The following KCNJ15 variants were observed in gnomAD, a reference collection of about 807,000 sequenced individuals.
KCNJ15 encodes the protein ATP-sensitive inward rectifier potassium channel 15.
A neutral mutation model predicts 23.0 loss-of-function variants in KCNJ15; 14 were observed. The ratio of observed to expected loss-of-function variants is 0.61; its 90% CI spans 0.40 to 0.95. KCNJ15 has a LOEUF of 0.95. KCNJ15 is among the 40% of genes least tolerant of loss of function. The probability of loss-of-function intolerance (pLI) is 0.00; values close to 1 mark genes in which losing one functional copy is unlikely to be tolerated. For synonymous variants in KCNJ15, 185 were observed against 183.2 expected, an observed-to-expected ratio of 1.01 and a Z score of -0.08; for missense variants, 388 against 461.8, an observed-to-expected ratio of 0.84 and a Z score of 1.46.
At chr21:38,233,324 C>T (rs1423838648) in intron 1 of KCNJ15, among the ~76,000 whole-genome samples, 2 of 152,038 alleles carry the variant, frequency 1.3e-5, no homozygotes, top group Non-Finnish European at 2.9e-5. Context: ...CTTTTACTTT[C>T]AACTTATCCT....
intron 1 of KCNJ15, among the ~76,000 whole-genome samples, chr21:38,288,428 G>C (rs1357095893): frequency 1.3e-5 from 2 of 152,076 alleles, no homozygotes; most frequent in African/African-American, 2.4e-5. Flanking sequence ...TGCCAATGAA[G>C]ATAAGAATTT....
At chr21:38,256,360 T>TTATATATATA (rs56679003), upstream of KCNJ15, among the ~76,000 whole-genome samples, 457 of 106,178 alleles carry the variant, frequency 4.3e-3, 12 homozygotes, top group South Asian at 0.016. Context: ...TCTATTCAGC[T>TTATATATATA]TATATATATA....
rs1985989474 is a variant in KCNJ15, at chr21:38,304,727, A to G, written c.*4338A>G. ...GTCTCGCTCTGTCGCCCAGGCTGCT[A>G]GAGTGCAGTGGCGCGATTTCGGCTC... On this transcript the variant is annotated 3_prime_UTR_variant, in exon 3 of 3. Transcript: ENST00000398938. The G allele has an allele frequency of 1.1e-5, 1 of 93,580 alleles. No individual in the cohort carries two copies. Among genetic ancestry groups the G allele is most frequent in the Non-Finnish European group, 2.0e-5 (1 of 49,368 alleles). The allele number at this position is 93,580 out of a possible 1,614,324, so 5.8% of individuals were successfully genotyped here. A position where few individuals can be genotyped will look rare whatever the true frequency, so the allele number is the denominator to read the frequency against.
At chr21:38,265,633 TG>T (rs35689389) in intron 1 of KCNJ15, among the ~76,000 whole-genome samples, 2 of 152,216 alleles carry the variant, frequency 1.3e-5, no homozygotes, top group African/African-American at 2.4e-5. Context: ...TGCAGGAGGC[TG>T]GGTGGTCCGT....
chr21:38,258,448 G>A (rs1980513510), intron 1 of KCNJ15, among the ~76,000 whole-genome samples: 1 of 152,078 alleles, frequency 6.6e-6, no homozygotes, highest in South Asian at 2.1e-4. Flanking sequence ...TACCTTCTAG[G>A]GTTTTACTTT....
At chr21:38,297,469 T>C (rs983368782) in intron 2 of KCNJ15, among the ~76,000 whole-genome samples, 1 of 152,200 alleles carries the variant, frequency 6.6e-6, no homozygotes, top group Non-Finnish European at 1.5e-5. Context: ...TTTCAGTGGA[T>C]TGAATGGCAT....
chr21:38,297,269 G>A (rs1053271311), intron 2 of KCNJ15, among the ~76,000 whole-genome samples: 3 of 152,312 alleles, frequency 2.0e-5, no homozygotes, highest in African/African-American at 7.2e-5. Context: ...GCTCTCAGCA[G>A]AAAGAGGAAA....
chr21:38,286,223 A>G (rs563467440), intron 1 of KCNJ15, among the ~76,000 whole-genome samples: 1 of 152,288 alleles, frequency 6.6e-6, no homozygotes, highest in South Asian at 2.1e-4. Context: ...AGCCCAGGTG[A>G]CAGAGCGAGA....
intron 1 of KCNJ15, among the ~76,000 whole-genome samples, chr21:38,289,838 T>G (rs965901154): frequency 1.3e-5 from 2 of 152,210 alleles, no homozygotes; most frequent in Non-Finnish European, 2.9e-5. Flanking sequence ...TGTTCCTGTT[T>G]TGCCAGTCAT....
chr21:38,254,524 A>G (rs1980055648), upstream of KCNJ15, among the ~76,000 whole-genome samples: 1 of 152,248 alleles, frequency 6.6e-6, no homozygotes, highest in Non-Finnish European at 1.5e-5. Flanking sequence ...TGCAAGAACT[A>G]AAACTTCCCA....
chr21:38,296,614 C>T (rs1985182811), intron 1 of KCNJ15: 1 of 152,716 alleles, frequency 6.5e-6, no homozygotes, highest in African/African-American at 2.4e-5. Flanking sequence ...TGCACTTCCC[C>T]TTCCTGCCTC....
intron 1 of KCNJ15, among the ~76,000 whole-genome samples, chr21:38,261,183 C>T (rs554636807): frequency 3.3e-5 from 5 of 152,136 alleles, no homozygotes; most frequent in Admixed American, 1.3e-4. Context: ...TGGTGTTGGG[C>T]GGATGGCTAT....
At position 38,275,364 on chromosome 21, in the gene KCNJ15, T is replaced by C. The variant is rs1318693823; in HGVS notation, c.-117+18179T>C. Among the ~76,000 whole-genome samples, 7 of 152,090 alleles carry C rather than the reference T, an allele frequency of 4.6e-5. No individual in the cohort carries two copies. The East Asian group carries it at 1.4e-3, about 29-fold the overall frequency. On this transcript the variant is annotated intron_variant, in intron 1 of 2. Transcript: ENST00000398938. ...CAGTGTAGTTCCCAATATGGCCTCA[T>C]ACTAACTTCAGATACCCCAGTGTAT...
upstream of KCNJ15, among the ~76,000 whole-genome samples, chr21:38,255,041 A>G (rs1234814483): frequency 2.6e-5 from 4 of 152,208 alleles, no homozygotes; most frequent in Non-Finnish European, 5.9e-5. Context: ...GGTGAATAAG[A>G]CAGGTACCAT....
intron 1 of KCNJ15, among the ~76,000 whole-genome samples, chr21:38,295,813 T>C (rs950193094): frequency 6.6e-6 from 1 of 152,190 alleles, no homozygotes; most frequent in Non-Finnish European, 1.5e-5. Context: ...TAAGAGCCTA[T>C]GATGAAGTGC....
rs904151550 is a variant in KCNJ15 at position 38,276,759 on chromosome 21, G to T, written c.-117+19574G>T. Reference sequence around the variant, plus strand: ...ATTTTAGAATATATTCAAAAAGTAGGATATTATTTCTCAAAGAAAACATCT... The same window carrying T: ...ATTTTAGAATATATTCAAAAAGTAGTATATTATTTCTCAAAGAAAACATCT... On this transcript the variant is annotated intron_variant, in intron 1 of 2. Transcript: ENST00000398938. Among the ~76,000 whole-genome samples, 7 of 151,842 alleles carry T rather than the reference G, an allele frequency of 4.6e-5. No individual in the cohort carries two copies. In the East Asian group the frequency reaches 7.7e-4, roughly 17 times the overall value.
chr21:38,244,901 A>C (rs903752757), intron 1 of KCNJ15, among the ~76,000 whole-genome samples: 1 of 152,136 alleles, frequency 6.6e-6, no homozygotes, highest in Non-Finnish European at 1.5e-5. Context: ...TCTTTCTAAT[A>C]AGATGTAATC....
intron 1 of KCNJ15, among the ~76,000 whole-genome samples, chr21:38,232,486 A>G (rs748923963): frequency 8.6e-5 from 13 of 151,834 alleles, no homozygotes; most frequent in Non-Finnish European, 1.5e-4. Context: ...TCTTATGCTT[A>G]CTTTAGGTTT....
intron 1 of KCNJ15, among the ~76,000 whole-genome samples, chr21:38,250,603 A>T (rs201485715): frequency 6.6e-6 from 1 of 152,192 alleles, no homozygotes; most frequent in East Asian, 1.9e-4. Flanking sequence ...GAACTTGGTG[A>T]TGAAGGACGT....
Sources: allele counts gnomAD v4.1 joint callset (sites outside exome capture counted in the v4.1 genomes callset), GRCh38; gene constraint gnomAD v4.1.1; transcripts MANE v1.5; gene names NCBI Gene and HGNC (gene_info 2026-07-23, HGNC 2026-07-21).